SRRT: variants seen among roughly 807,000 people sequenced by gnomAD.
The protein encoded by SRRT is serrate, RNA effector molecule.
SRRT carries 32 observed loss-of-function variants against 103.2 expected under a neutral mutation model. The observed-to-expected ratio is 0.31, with a 90% CI of 0.23 to 0.42. SRRT has a LOEUF of 0.42. Among genes scored for constraint, SRRT ranks in the 10% least tolerant of loss-of-function variants. SRRT has a pLI of 1.00. For synonymous variants in SRRT, 525 were observed against 449.0 expected, an observed-to-expected ratio of 1.17 and a Z score of -2.14; for missense variants, 986 against 1,207.5, an observed-to-expected ratio of 0.82 and a Z score of 2.72.
Position 100,888,208 on chromosome 7 carries a change from A to G in SRRT, c.2429-49A>G, listed in dbSNP as rs769612874. The G allele has an allele frequency of 5.6e-6, 9 of 1,600,016 alleles. No individual in the cohort carries two copies. The African/African-American group carries it at 1.1e-4, about 19-fold the overall frequency. ...TGGCTTTGGGAGAAGAAAACAGAGG[A>G]TGGAATTGAGGACATAGTTTTGCAA... On this transcript the variant is annotated intron_variant, in intron 18 of 19. Transcript: ENST00000611405.
rs774088297 is a variant in SRRT at position 100,885,828 on chromosome 7, C to T, written c.1380-35C>T. On this transcript the variant is annotated intron_variant, in intron 11 of 19. Coordinates refer to ENST00000611405, the MANE Select transcript of SRRT (RefSeq NM_015908.6). The surrounding 1 kb of genome is among the most constrained non-coding windows in gnomAD (Gnocchi z 4.8). ...CGTTAATGGCCAACACCAACTCCCT[C>T]GCTTGACTATGCTAACATTTTCTTT... The T allele has an allele frequency of 1.2e-5, 19 of 1,613,840 alleles. No individual in the cohort carries two copies. The highest frequency in any genetic ancestry group is 8.8e-5 in the South Asian group (8 of 91,068).
Position 100,875,569 on chromosome 7 carries a change from C to T in SRRT, c.-18-4C>T, listed in dbSNP as rs370528269. ...CACTCCTACCGCCTCTCCCCGGTCC[C>T]CAGGCCCCCTCAGACCGTGCCATGG... On this transcript the variant is annotated splice_region_variant and splice_polypyrimidine_tract_variant and intron_variant, in intron 1 of 19. Coordinates refer to ENST00000611405, the MANE Select transcript of SRRT (RefSeq NM_015908.6). 41 of 1,613,524 alleles carry T rather than the reference C, an allele frequency of 2.5e-5. No homozygotes were observed. The highest frequency in any genetic ancestry group is 3.3e-5 in the Non-Finnish European group (39 of 1,179,728).
intron 2 of SRRT, among the ~76,000 whole-genome samples, chr7:100,878,888 CCTTTTCTTTTCTTTTCCTTT>C (rs1438953066): frequency 7.9e-5 from 12 of 151,590 alleles, no homozygotes; most frequent in South Asian, 2.1e-4. Context: ...TTCCTTCCTT[CCTTTTCTTTTCTTTTCCTTT>C]CTTTTCTTTT....
At position 100,887,243 on chromosome 7, in the gene SRRT, T is replaced by TG. The variant is rs1385710556; in HGVS notation, c.1975+45dup. 3 of 1,612,824 alleles carry TG rather than the reference T, an allele frequency of 1.9e-6. No individual in the cohort carries two copies. Among genetic ancestry groups the TG allele is most frequent in the Admixed American group, 1.7e-5 (1 of 59,986 alleles). ...CTTTGTTCCCGGCTGCCCCTGGCCT[T>TG]GGTCCTCCAGCCCCTTGCCACCATC... On this transcript the variant is annotated intron_variant, in intron 15 of 19. Coordinates refer to ENST00000611405, the MANE Select transcript of SRRT (RefSeq NM_015908.6). The surrounding 1 kb of genome is among the most constrained non-coding windows in gnomAD (Gnocchi z 4.1).
chr7:100,886,213 G>A, intron 12 of SRRT, 34 bp from the exon 13 acceptor site: 1 of 1,596,082 alleles, frequency 6.3e-7, no homozygotes, highest in Non-Finnish European at 8.5e-7. Flanking sequence ...AGCGGGGTAA[G>A]TGGGGTAAGC....
intron 19 of SRRT, 45 bp from the exon 20 acceptor site, chr7:100,888,429 C>T (rs376982742): frequency 1.2e-6 from 2 of 1,613,034 alleles, no homozygotes; most frequent in Non-Finnish European, 1.7e-6. Context: ...TGCAGACTCC[C>T]TTTTGGGAGC....
chr7:100,884,848 C>T lies in SRRT; in HGVS notation c.1041+10C>T, dbSNP rs532115013. The T allele has an allele frequency of 1.9e-6, 3 of 1,613,802 alleles. No homozygotes were observed. Among genetic ancestry groups the T allele is most frequent in the South Asian group, 1.1e-5 (1 of 91,034 alleles). ...GAAGGAAGCCAAAAAGGTGAGGTGT[C>T]TGTGGCCTGGGGTCAGAGTGTTGGG... On this transcript the variant is annotated intron_variant, in intron 8 of 19. Transcript: ENST00000611405.
In SRRT at chr7:100,885,204, C is replaced by G. The variant is rs773520444; in HGVS notation, c.1160-9C>G. ...GCACCAACTCCTTCCTACCCCCCTTCCTGCCTAGAAGAAGCGCTCAAGGAG... is the reference window on the plus strand; with the variant it reads ...GCACCAACTCCTTCCTACCCCCCTTGCTGCCTAGAAGAAGCGCTCAAGGAG... On this transcript the variant is annotated splice_polypyrimidine_tract_variant and intron_variant, in intron 9 of 19. Transcript: ENST00000611405. The surrounding 1 kb of genome is among the most constrained non-coding windows in gnomAD (Gnocchi z 4.8). 1.2e-6 allele frequency: 2 copies of G among 1,611,968 alleles called. No homozygotes were observed. The highest frequency in any genetic ancestry group is 1.3e-5 in the African/African-American group (1 of 74,748).
At position 100,875,304 on chromosome 7, in the gene SRRT, G is replaced by T. The variant is rs552215890; in HGVS notation, c.-43G>T. Reference sequence around the variant, plus strand: ...TGAAATCTAGCCCGTCCGAGCGCGAGTCCAACGGCCGCGGCCGCACCAAGG... The same window carrying T: ...TGAAATCTAGCCCGTCCGAGCGCGATTCCAACGGCCGCGGCCGCACCAAGG... On this transcript the variant is annotated 5_prime_UTR_variant, in exon 1 of 20. Transcript: ENST00000611405. 2.8e-6 allele frequency: 3 copies of T among 1,078,618 alleles called. No individual in the cohort carries two copies. Among genetic ancestry groups the T allele is most frequent in the South Asian group, 4.0e-5 (2 of 49,686 alleles). 66.8% of individuals were successfully genotyped at this position (1,078,618 alleles called of 1,614,324 possible).
Position 100,885,035 on chromosome 7 carries a change from A to G in SRRT, c.1154A>G (p.Glu385Gly). ...GGCCAGGCTGAGGAGGAGAAGGAGGAGGCCGGTAGGGTTTCTTTTCTGCTT... is the reference window on the plus strand; with the variant it reads ...GGCCAGGCTGAGGAGGAGAAGGAGGGGGCCGGTAGGGTTTCTTTTCTGCTT... The part of the protein sequence containing the change: ...ESGQAEEEKE[E>G]AEEALKEKEK... Residue 385 changes from glutamate (E) to glycine (G), a missense_variant, in exon 9 of 20, where the codon GAG becomes GGG. This residue lies in a region of SRRT where 166 missense variants were observed against 148.6 expected (regional missense o/e 1.12). Coordinates refer to ENST00000611405, the MANE Select transcript of SRRT (RefSeq NM_015908.6). This position sits in a 1 kb window ranked among gnomAD's most constrained non-coding sequence, Gnocchi z 4.8. The G allele has an allele frequency of 1.2e-6, 2 of 1,613,688 alleles. No homozygotes were observed. The highest frequency in any genetic ancestry group is 1.1e-5 in the South Asian group (1 of 91,050).
At position 100,884,563 on chromosome 7, in the gene SRRT, T is replaced by G. The variant is rs754310318; in HGVS notation, c.942+11T>G. On this transcript the variant is annotated intron_variant, in intron 7 of 19. Coordinates refer to ENST00000611405, the MANE Select transcript of SRRT (RefSeq NM_015908.6). ...GAAGACGGCAAGCAGGTCCGAGCCC[T>G]GGGTCTCCTAGTGTTGTCCCTGGCA... The G allele has an allele frequency of 7.3e-7, 1 of 1,371,542 alleles. No individual in the cohort carries two copies. The highest frequency in any genetic ancestry group is 9.7e-7 in the Non-Finnish European group (1 of 1,032,540). The allele number at this position is 1,371,542 out of a possible 1,614,324, so 85.0% of individuals were successfully genotyped here.
chr7:100,880,335 C>T (rs1037017403), intron 2 of SRRT, among the ~76,000 whole-genome samples: 7 of 152,086 alleles, frequency 4.6e-5, no homozygotes, highest in Admixed American at 2.6e-4. Context: ...TGAAGTCTTG[C>T]TCTGTCGCCC....
At chr7:100,876,626 CAG>C (rs1815738511) in intron 2 of SRRT, among the ~76,000 whole-genome samples, 1 of 152,174 alleles carries the variant, frequency 6.6e-6, no homozygotes, top group African/African-American at 2.4e-5. Flanking sequence ...CCTAAAATCT[CAG>C]AGTTCATAGG....
Position 100,888,024 on chromosome 7 carries a change from A to G in SRRT, c.2327-18A>G. 1 of 1,521,980 alleles carries G rather than the reference A, an allele frequency of 6.6e-7. No homozygotes were observed. Among genetic ancestry groups the G allele is most frequent in the Non-Finnish European group, 8.8e-7 (1 of 1,139,606 alleles). The allele number at this position is 1,521,980 out of a possible 1,614,324, so 94.3% of individuals were successfully genotyped here. ...CCCCTCCCCGCCCCCGCAGTAATTC[A>G]TGTCCCTGTCCGTGTTGTACTCCCC... On this transcript the variant is annotated intron_variant, in intron 17 of 19. Transcript: ENST00000611405.
Position 100,886,992 on chromosome 7 carries a change from G to A in SRRT, c.1821+24G>A, listed in dbSNP as rs200367428. 269 of 1,609,998 alleles carry A rather than the reference G, an allele frequency of 1.7e-4. No individual in the cohort carries two copies. In the African/African-American group the frequency reaches 3.0e-3, roughly 18 times the overall value. ...AGGTGCCAGTGGCAGCGCGGGGCAC[G>A]TGGGGGCTCGGGCGGTGAGGGCAGG... is the stretch of plus-strand genomic sequence containing the variant. On this transcript the variant is annotated intron_variant, in intron 14 of 19. Transcript: ENST00000611405.
intron 5 of SRRT, 86 bp from the exon 6 acceptor site, chr7:100,883,984 G>A: frequency 7.0e-7 from 1 of 1,423,266 alleles, no homozygotes; most frequent in Non-Finnish European, 9.5e-7. Context: ...AGGGGGATAT[G>A]CCCTGTCTTT....
At chr7:100,876,753 G>A (rs1428080740) in intron 2 of SRRT, among the ~76,000 whole-genome samples, 2 of 152,122 alleles carry the variant, frequency 1.3e-5, no homozygotes, top group African/African-American at 4.8e-5. Flanking sequence ...AGTATATATA[G>A]TGGAAGTTAT....
intron 2 of SRRT, among the ~76,000 whole-genome samples, chr7:100,876,601 C>T (rs906188682): frequency 2.6e-5 from 4 of 152,142 alleles, no homozygotes; most frequent in Non-Finnish European, 5.9e-5. Context: ...GATTAGGTTT[C>T]TTGTCACTGT....
intron 2 of SRRT, among the ~76,000 whole-genome samples, chr7:100,877,214 A>G (rs1026792397): frequency 2.0e-5 from 3 of 151,408 alleles, no homozygotes; most frequent in Admixed American, 6.6e-5. Flanking sequence ...CGAGATCGAG[A>G]GATTGAGACC....
Sources: gnomAD v4.1 joint callset for allele counts (sites outside exome capture counted in the v4.1 genomes callset) on GRCh38, gnomAD v4.1.1 for gene constraint, gnomAD v4.1.1 regional missense constraint, Gnocchi (gnomAD v3.1) non-coding constraint, MANE v1.5 for transcripts, NCBI Gene and HGNC (gene_info 2026-07-23, HGNC 2026-07-21) for gene names.